IMMP2L: variants seen among roughly 807,000 people sequenced by gnomAD.
IMMP2L encodes mitochondrial inner membrane protease subunit 2.
Under a neutral mutation model 19.3 loss-of-function variants are expected in IMMP2L, and 18 were observed. The ratio of observed to expected loss-of-function variants is 0.93; its 90% CI spans 0.64 to 1.38. The LOEUF (loss-of-function observed/expected upper bound fraction) is 1.38, where lower values mean the gene tolerates loss of function less well. IMMP2L is among the 40% of genes most tolerant of loss of function. IMMP2L has a pLI of 0.00. For missense variants in IMMP2L, 233 were observed against 218.2 expected, an observed-to-expected ratio of 1.07 and a Z score of -0.43; for synonymous variants, 76 against 73.0, an observed-to-expected ratio of 1.04 and a Z score of -0.21.
intron 3 of IMMP2L, among the ~76,000 whole-genome samples, chr7:111,459,073 A>G (rs1211089622): frequency 1.3e-5 from 2 of 152,126 alleles, no homozygotes; most frequent in Admixed American, 1.3e-4. Flanking sequence ...AATAGCCACT[A>G]AAAAATGTAG....
At chr7:111,187,410 G>A (rs911559326) in intron 3 of IMMP2L, among the ~76,000 whole-genome samples, 7 of 152,072 alleles carry the variant, frequency 4.6e-5, no homozygotes, top group Non-Finnish European at 7.3e-5. Flanking sequence ...TACCACCCAA[G>A]CCCAAGTTAC....
At chr7:110,713,996 T>C (rs536004726) in intron 5 of IMMP2L, among the ~76,000 whole-genome samples, 1 of 152,320 alleles carries the variant, frequency 6.6e-6, no homozygotes, top group Non-Finnish European at 1.5e-5. Context: ...GGCATCCTTG[T>C]CTTGTTCCAT....
intron 4 of IMMP2L, among the ~76,000 whole-genome samples, chr7:110,895,399 T>G (rs2129546588): frequency 6.6e-6 from 1 of 152,306 alleles, no homozygotes. Context: ...TTGATGTTTA[T>G]AGCAATATCA....
chr7:110,996,759 C>A (rs1823079584), intron 3 of IMMP2L, among the ~76,000 whole-genome samples: 1 of 151,462 alleles, frequency 6.6e-6, no homozygotes, highest in Non-Finnish European at 1.5e-5. Context: ...TTCTGTATAA[C>A]CTTCACTCAG....
intron 3 of IMMP2L, among the ~76,000 whole-genome samples, chr7:111,039,362 A>G (rs1291208653): frequency 6.6e-6 from 1 of 152,214 alleles, no homozygotes; most frequent in Non-Finnish European, 1.5e-5. Context: ...TTTATTTTTA[A>G]TAAAAACAGA....
At chr7:111,119,044 C>T (rs1219957346) in intron 3 of IMMP2L, among the ~76,000 whole-genome samples, 2 of 152,100 alleles carry the variant, frequency 1.3e-5, no homozygotes, top group Admixed American at 6.5e-5. Context: ...TTAAGACTCC[C>T]CCAGAAAGAA....
At chr7:111,085,417 T>G (rs1289661338) in intron 3 of IMMP2L, among the ~76,000 whole-genome samples, 2 of 152,320 alleles carry the variant, frequency 1.3e-5, no homozygotes, top group East Asian at 3.9e-4. Context: ...TTGAAGCTAG[T>G]TGATTAGGAT....
intron 3 of IMMP2L, among the ~76,000 whole-genome samples, chr7:111,432,756 G>GGA (rs1836758668): frequency 6.6e-6 from 1 of 151,230 alleles, no homozygotes; most frequent in Non-Finnish European, 1.5e-5. Flanking sequence ...CATCCAAATT[G>GGA]GATGCCTCTT....
intron 2 of IMMP2L, among the ~76,000 whole-genome samples, chr7:111,487,791 A>G (rs990352340): frequency 3.3e-5 from 5 of 152,144 alleles, no homozygotes; most frequent in African/African-American, 1.2e-4. Context: ...CATATGAAAA[A>G]CTGAAGGGGG....
At chr7:111,157,674 T>C (rs993092847) in intron 3 of IMMP2L, among the ~76,000 whole-genome samples, 14 of 152,050 alleles carry the variant, frequency 9.2e-5, no homozygotes, top group African/African-American at 2.9e-4. Flanking sequence ...AGTACAACAC[T>C]GTGTCTACAG....
At chr7:111,360,709 T>C (rs1829180712) in intron 3 of IMMP2L, among the ~76,000 whole-genome samples, 1 of 151,992 alleles carries the variant, frequency 6.6e-6, no homozygotes, top group South Asian at 2.1e-4. Flanking sequence ...TCCCAGATAC[T>C]TGGGATGCTG....
At chr7:111,487,153 T>G in intron 3 of IMMP2L, 85 bp downstream of exon 3, 1 of 606,346 alleles carries the variant, frequency 1.6e-6, no homozygotes, top group African/African-American at 1.9e-5. Context: ...ATTGGCAATA[T>G]GATATTAACA....
Position 111,539,266 on chromosome 7 carries a change from GAAAGA to G in IMMP2L, c.-2-17822_-2-17818del, listed in dbSNP as rs1563331568. Among the ~76,000 whole-genome samples, 278 of 142,728 alleles carry G rather than the reference GAAAGA, an allele frequency of 1.9e-3. 4 individuals are homozygous for G. The highest frequency in any genetic ancestry group is 2.4e-3 in the African/African-American group (90 of 37,994). 93.6% of individuals were successfully genotyped at this position (142,728 alleles called of 152,430 possible). A position where few individuals can be genotyped will look rare whatever the true frequency, so the allele number is the denominator to read the frequency against. On this transcript the variant is annotated intron_variant, in intron 1 of 5. Transcript: ENST00000405709. ...AGAAAGAAAGAAAGAAAGAAAGAAA[GAAAGA>G]GAACATACGTCGATTACTACATATA...
At chr7:111,462,656 G>A (rs1171134892) in intron 3 of IMMP2L, among the ~76,000 whole-genome samples, 2 of 152,040 alleles carry the variant, frequency 1.3e-5, no homozygotes, top group Non-Finnish European at 2.9e-5. Context: ...GTGTGATAGA[G>A]CTTTTCTTAA....
At chr7:110,798,292 A>G (rs1257993550) in intron 5 of IMMP2L, among the ~76,000 whole-genome samples, 1 of 151,936 alleles carries the variant, frequency 6.6e-6, no homozygotes, top group Non-Finnish European at 1.5e-5. Context: ...ATAATCAACT[A>G]AGAGAAGAGG....
intron 3 of IMMP2L, among the ~76,000 whole-genome samples, chr7:111,441,626 A>G (rs1204755290): frequency 2.0e-5 from 3 of 151,572 alleles, no homozygotes; most frequent in African/African-American, 4.9e-5. Context: ...AAAATTACCA[A>G]TGTAACACAG....
At chr7:110,740,758 T>A (rs1298131488) in intron 5 of IMMP2L, among the ~76,000 whole-genome samples, 3 of 151,646 alleles carry the variant, frequency 2.0e-5, no homozygotes, top group Non-Finnish European at 4.4e-5. Context: ...TAAAAAAAAA[T>A]AGAGTTGGCA....
intron 3 of IMMP2L, among the ~76,000 whole-genome samples, chr7:111,221,344 T>C (rs192532202): frequency 2.6e-5 from 4 of 152,076 alleles, no homozygotes; most frequent in Non-Finnish European, 5.9e-5. Flanking sequence ...TTAGAAAGCA[T>C]TACCCATATC....
chr7:111,237,178 C>T (rs1422900899), intron 3 of IMMP2L, among the ~76,000 whole-genome samples: 1 of 152,012 alleles, frequency 6.6e-6, no homozygotes, highest in Non-Finnish European at 1.5e-5. Context: ...ACATAGAAGG[C>T]TCAAAATAAA....
Sources: allele counts gnomAD v4.1 joint callset (sites outside exome capture counted in the v4.1 genomes callset), GRCh38; gene constraint gnomAD v4.1.1; transcripts MANE v1.5; gene names NCBI Gene and HGNC (gene_info 2026-07-23, HGNC 2026-07-21).